Variants in CEP85L observed in about 807,000 individuals in gnomAD.
CEP85L encodes centrosomal protein of 85 kDa-like.
In CEP85L, 60 loss-of-function variants were observed where a neutral mutation model predicts 100.3. That is an observed-to-expected ratio of 0.60 (90% confidence interval 0.49 to 0.74). The LOEUF (loss-of-function observed/expected upper bound fraction) is 0.74, where lower values mean the gene tolerates loss of function less well. CEP85L is among the 30% of genes least tolerant of loss of function. The pLI is 0.00. For missense variants in CEP85L, 973 were observed against 936.2 expected, an observed-to-expected ratio of 1.04 and a Z score of -0.51; for synonymous variants, 319 against 322.7, an observed-to-expected ratio of 0.99 and a Z score of 0.12.
intron 3 of CEP85L, chr6:118,560,151 T>C (rs1194555886): frequency 6.0e-6 from 1 of 167,066 alleles, no homozygotes; most frequent in Non-Finnish European, 1.5e-5. Flanking sequence ...GAAATGAACT[T>C]GTTGGCCCAT....
At chr6:118,580,171 CCT>C (rs1485891503) in intron 2 of CEP85L, among the ~76,000 whole-genome samples, 2 of 152,090 alleles carry the variant, frequency 1.3e-5, no homozygotes, top group African/African-American at 4.8e-5. Flanking sequence ...GAGCCCCCTC[CCT>C]CTGTCTCTGT....
chr6:118,471,836 C>T (rs1035439775), intron 10 of CEP85L, among the ~76,000 whole-genome samples: 2 of 150,590 alleles, frequency 1.3e-5, no homozygotes, highest in African/African-American at 4.9e-5. Flanking sequence ...CTGAAATTTC[C>T]TTTGTAACTT....
intron 3 of CEP85L, among the ~76,000 whole-genome samples, chr6:118,564,271 A>G (rs1284218905): frequency 6.6e-6 from 1 of 152,242 alleles, no homozygotes; most frequent in African/African-American, 2.4e-5. Context: ...TTGGAATAGC[A>G]TACTCAGCCC....
chr6:118,665,587 G>A (rs1776109128), intron 1 of CEP85L, among the ~76,000 whole-genome samples: 1 of 151,934 alleles, frequency 6.6e-6, no homozygotes, highest in African/African-American at 2.4e-5. Flanking sequence ...TCAAATGCCT[G>A]GGCTCAAGCA....
At chr6:118,574,299 T>C (rs759316980) in intron 2 of CEP85L, among the ~76,000 whole-genome samples, 3 of 152,234 alleles carry the variant, frequency 2.0e-5, no homozygotes, top group Non-Finnish European at 4.4e-5. Context: ...CCAGTCAGGT[T>C]AGTTTAGATG....
At chr6:118,533,202 T>C (rs1296431026) in intron 3 of CEP85L, among the ~76,000 whole-genome samples, 1 of 152,134 alleles carries the variant, frequency 6.6e-6, no homozygotes, top group East Asian at 1.9e-4. Context: ...AGCTAGTTCA[T>C]TGAGACAATC....
chr6:118,558,703 G>T, intron 3 of CEP85L: 7 of 529,178 alleles, frequency 1.3e-5, no homozygotes, highest in Non-Finnish European at 2.0e-5. Flanking sequence ...AGAGACTATA[G>T]AAACATGATG....
intron 2 of CEP85L, among the ~76,000 whole-genome samples, chr6:118,588,484 A>G (rs921346231): frequency 6.6e-6 from 1 of 152,212 alleles, no homozygotes; most frequent in Non-Finnish European, 1.5e-5. Flanking sequence ...TAAATGCAAC[A>G]TGCTGCTTCT....
At chr6:118,707,970 TG>T (rs36015585) in intron 1 of CEP85L, among the ~76,000 whole-genome samples, 412 of 6,270 alleles carry the variant, frequency 0.066, 4 homozygotes, top group African/African-American at 0.18. Context: ...GTTGCTTTTT[TG>T]GGGGGGGGAC....
At chr6:118,693,638 A>G (rs543999441) in intron 1 of CEP85L, among the ~76,000 whole-genome samples, 22 of 152,322 alleles carry the variant, frequency 1.4e-4, no homozygotes, top group Admixed American at 4.6e-4. Flanking sequence ...CAGGACAGCA[A>G]ACAGGCCCAG....
chr6:118,564,290 A>G (rs955662738), intron 3 of CEP85L, among the ~76,000 whole-genome samples: 1 of 152,232 alleles, frequency 6.6e-6, no homozygotes, highest in East Asian at 1.9e-4. Flanking sequence ...CCCACTGGAC[A>G]GCTCCAATTC....
chr6:118,706,163 C>T (rs2114383066), intron 1 of CEP85L, among the ~76,000 whole-genome samples: 2 of 152,284 alleles, frequency 1.3e-5, no homozygotes, highest in South Asian at 4.1e-4. Flanking sequence ...TTAAATTTAA[C>T]CACAGAACAC....
At chr6:118,589,187 C>A in intron 2 of CEP85L, 1 of 243,894 alleles carries the variant, frequency 4.1e-6, no homozygotes, top group South Asian at 6.7e-5. Context: ...GTGGGGAAAG[C>A]TGAAAAACTC....
chr6:118,696,603 T>C (rs1239186701), intron 1 of CEP85L, among the ~76,000 whole-genome samples: 2 of 152,186 alleles, frequency 1.3e-5, no homozygotes, highest in East Asian at 3.8e-4. Flanking sequence ...AGCCCCAGGA[T>C]CAATGGGGAA....
chr6:118,620,975 CCTTA>C (rs1353906903), intron 2 of CEP85L, among the ~76,000 whole-genome samples: 1 of 152,034 alleles, frequency 6.6e-6, no homozygotes, highest in Non-Finnish European at 1.5e-5. Flanking sequence ...ATTTGTTGTC[CCTTA>C]CTTGAGGAGG....
At chr6:118,468,852 A>C (rs145758441) in intron 12 of CEP85L, among the ~76,000 whole-genome samples, 190 of 152,320 alleles carry the variant, frequency 1.2e-3, no homozygotes, top group African/African-American at 4.4e-3. Flanking sequence ...TCAACATAGG[A>C]AACATCACCA....
At chr6:118,680,782 T>TG (rs1776632696) in intron 1 of CEP85L, among the ~76,000 whole-genome samples, 1 of 151,330 alleles carries the variant, frequency 6.6e-6, no homozygotes, top group Non-Finnish European at 1.5e-5. Flanking sequence ...GAGGCTGAGG[T>TG]TGGGGATCAC....
At chr6:118,707,432 A>G (rs1377834726) in intron 1 of CEP85L, among the ~76,000 whole-genome samples, 1 of 152,020 alleles carries the variant, frequency 6.6e-6, no homozygotes, top group South Asian at 2.1e-4. Flanking sequence ...GGGCTCAAGC[A>G]ATCCTCCCGC....
chr6:118,628,988 G>A (rs1056245938), intron 2 of CEP85L, among the ~76,000 whole-genome samples: 9 of 152,204 alleles, frequency 5.9e-5, no homozygotes, highest in East Asian at 1.9e-4. Context: ...CTCCATATCC[G>A]CAGGTTCCAC....
Sources: gnomAD v4.1 joint callset for allele counts (sites outside exome capture counted in the v4.1 genomes callset) on GRCh38, gnomAD v4.1.1 for gene constraint, MANE v1.5 for transcripts, NCBI Gene and HGNC (gene_info 2026-07-23, HGNC 2026-07-21) for gene names.